Variants in SNX29 observed in about 807,000 individuals in gnomAD.
The protein encoded by SNX29 is sorting nexin 29.
In SNX29, 78 loss-of-function variants were observed where a neutral mutation model predicts 102.1. The ratio of observed to expected loss-of-function variants is 0.76; its 90% confidence interval spans 0.64 to 0.92. SNX29 has a LOEUF of 0.92. Among genes scored for constraint, SNX29 ranks in the 40% least tolerant of loss-of-function variants. SNX29 has a pLI of 0.00. For missense variants in SNX29, 1,280 were observed against 1,061.7 expected, an observed-to-expected ratio of 1.21 and a Z score of -2.86; for synonymous variants, 580 against 414.5, an observed-to-expected ratio of 1.40 and a Z score of -4.85.
At chr16:12,391,595 GT>G (rs1226926849) in intron 16 of SNX29, among the ~76,000 whole-genome samples, 1 of 152,128 alleles carries the variant, frequency 6.6e-6, no homozygotes, top group African/African-American at 2.4e-5. Flanking sequence ...TTTATCATCT[GT>G]TTTTTTATCC....
chr16:12,518,088 A>T (rs1196374105), intron 19 of SNX29, among the ~76,000 whole-genome samples: 3 of 152,172 alleles, frequency 2.0e-5, no homozygotes, highest in Non-Finnish European at 4.4e-5. Flanking sequence ...ACGCTAGTTT[A>T]GTCGTGTGTG....
intron 15 of SNX29, among the ~76,000 whole-genome samples, chr16:12,300,806 C>T (rs570131228): frequency 6.6e-6 from 1 of 152,282 alleles, no homozygotes; most frequent in African/African-American, 2.4e-5. Flanking sequence ...GGCTGTTCCG[C>T]ATGTTGCAGG....
intron 15 of SNX29, among the ~76,000 whole-genome samples, chr16:12,303,559 T>C (rs1351950358): frequency 6.6e-6 from 1 of 152,094 alleles, no homozygotes; most frequent in East Asian, 1.9e-4. Flanking sequence ...TTCACACTTG[T>C]GGGAAGCTAT....
intron 18 of SNX29, among the ~76,000 whole-genome samples, chr16:12,476,662 A>G (rs1191311024): frequency 6.6e-6 from 1 of 151,492 alleles, no homozygotes; most frequent in East Asian, 1.9e-4. Flanking sequence ...CTGTTTCTCC[A>G]TCTCACTCCA....
chr16:12,555,381 C>G (rs746734141), intron 20 of SNX29, among the ~76,000 whole-genome samples: 3 of 152,112 alleles, frequency 2.0e-5, no homozygotes, highest in Non-Finnish European at 2.9e-5. Context: ...CGCTCCCTGT[C>G]TTTCCCTGCG....
intron 9 of SNX29, among the ~76,000 whole-genome samples, chr16:12,062,018 C>A (rs1011886871): frequency 2.6e-5 from 4 of 152,136 alleles, no homozygotes; most frequent in Non-Finnish European, 4.4e-5. Context: ...TAACTGAACC[C>A]CTGTCTGTAA....
At chr16:12,391,940 G>T (rs1357474836) in intron 16 of SNX29, among the ~76,000 whole-genome samples, 1 of 152,204 alleles carries the variant, frequency 6.6e-6, no homozygotes, top group African/African-American at 2.4e-5. Context: ...AATCTACAAG[G>T]TGTAAAGTTT....
intron 10 of SNX29, among the ~76,000 whole-genome samples, chr16:12,071,595 C>T (rs350237): frequency 3.9e-5 from 6 of 151,968 alleles, no homozygotes; most frequent in Non-Finnish European, 7.4e-5. Flanking sequence ...GTTTGAAGTC[C>T]GGTAGCGTGA....
intron 19 of SNX29, among the ~76,000 whole-genome samples, chr16:12,479,427 A>G (rs998856525): frequency 6.6e-6 from 1 of 150,984 alleles, no homozygotes; most frequent in South Asian, 2.1e-4. Context: ...GTAGATTTCT[A>G]TGTATAAAAC....
At chr16:12,514,834 T>C (rs914143833) in intron 19 of SNX29, among the ~76,000 whole-genome samples, 19 of 151,412 alleles carry the variant, frequency 1.3e-4, no homozygotes, top group African/African-American at 4.6e-4. Flanking sequence ...CACTGCACTC[T>C]AGCCTGGACA....
At chr16:12,106,806 A>G (rs1184284611) in intron 11 of SNX29, among the ~76,000 whole-genome samples, 1 of 147,212 alleles carries the variant, frequency 6.8e-6, no homozygotes, top group Non-Finnish European at 1.5e-5. Context: ...TATACCCCCA[A>G]CTTCCAGTAG....
At chr16:12,284,630 G>A (rs771113397) in intron 15 of SNX29, among the ~76,000 whole-genome samples, 1 of 152,072 alleles carries the variant, frequency 6.6e-6, no homozygotes, top group Non-Finnish European at 1.5e-5. Flanking sequence ...TTAACAGTAA[G>A]CATTTATTCA....
intron 13 of SNX29, among the ~76,000 whole-genome samples, chr16:12,151,920 G>A (rs1049356744): frequency 6.6e-6 from 1 of 152,140 alleles, no homozygotes; most frequent in African/African-American, 2.4e-5. Flanking sequence ...ATTTTTAGTA[G>A]AGATGAAGTT....
chr16:11,983,198 T>C (rs948193857), intron 1 of SNX29, among the ~76,000 whole-genome samples: 9 of 151,828 alleles, frequency 5.9e-5, no homozygotes, highest in Non-Finnish European at 8.8e-5. Context: ...CCCAAAGTGC[T>C]AGGATTACAG....
chr16:12,374,143 C>T (rs2082787555), intron 16 of SNX29, among the ~76,000 whole-genome samples: 1 of 152,240 alleles, frequency 6.6e-6, no homozygotes, highest in African/African-American at 2.4e-5. Flanking sequence ...GTGTCTAGCC[C>T]ATTCCCCAAG....
At chr16:12,497,811 GT>G (rs2088907079) in intron 19 of SNX29, among the ~76,000 whole-genome samples, 3 of 152,166 alleles carry the variant, frequency 2.0e-5, no homozygotes, top group Non-Finnish European at 1.5e-5. Flanking sequence ...TTTCCCAGTA[GT>G]TTCAGTCTCA....
At chr16:12,273,359 GTTGT>G (rs1016535714) in intron 14 of SNX29, among the ~76,000 whole-genome samples, 37 of 147,172 alleles carry the variant, frequency 2.5e-4, no homozygotes, top group Non-Finnish European at 3.7e-4. Flanking sequence ...TTTTTTTGTT[GTTGT>G]TTGTTTGTTT....
intron 20 of SNX29, among the ~76,000 whole-genome samples, chr16:12,549,545 G>T (rs117840269): frequency 1.0e-5 from 1 of 98,252 alleles, no homozygotes; most frequent in South Asian, 3.9e-4. Flanking sequence ...AGCCAGTAAG[G>T]CATGGAGTGG....
At chr16:12,327,190 G>A (rs756241715) in intron 15 of SNX29, among the ~76,000 whole-genome samples, 8 of 152,062 alleles carry the variant, frequency 5.3e-5, no homozygotes, top group Non-Finnish European at 8.8e-5. Context: ...TCATGTTACT[G>A]TCTTGGTCAG....
Sources: gnomAD v4.1 joint callset for allele counts (sites outside exome capture counted in the v4.1 genomes callset) on GRCh38, gnomAD v4.1.1 for gene constraint, MANE v1.5 for transcripts, NCBI Gene and HGNC (gene_info 2026-07-23, HGNC 2026-07-21) for gene names.